The following SYT1 variants were observed in gnomAD, a reference collection of about 807,000 sequenced individuals.
SYT1 encodes synaptotagmin 1, also known as synaptotagmin-1.
In SYT1, 8 loss-of-function variants were observed where a neutral mutation model predicts 44.8. The ratio of observed to expected loss-of-function variants is 0.18; its 90% CI spans 0.10 to 0.32. The LOEUF is 0.32. Among genes scored for constraint, SYT1 ranks in the 10% least tolerant of loss-of-function variants. The pLI is 1.00. For missense variants in SYT1, 286 were observed against 509.3 expected (o/e 0.56, Z 4.22); for synonymous variants, 154 against 188.8 (o/e 0.82, Z 1.51).
chr12:78,887,054 G>A (rs1030760072), intron 1 of SYT1, among the ~76,000 whole-genome samples: 5 of 151,978 alleles, frequency 3.3e-5, no homozygotes, highest in African/African-American at 7.2e-5. Context: ...CCTTACCCAC[G>A]ATTTCACTTT....
At chr12:79,118,665 T>G (rs1447063854) in intron 3 of SYT1, among the ~76,000 whole-genome samples, 1 of 152,178 alleles carries the variant, frequency 6.6e-6, no homozygotes, top group African/African-American at 2.4e-5. Flanking sequence ...GCTCCTCTAG[T>G]TTCCACAAAG....
In SYT1 at chr12:79,395,655, G is replaced by A. The variant is rs142089988; in HGVS notation, c.928+42036G>A. Among the ~76,000 whole-genome samples, 784 of 151,894 alleles carry A rather than the reference G, an allele frequency of 5.2e-3. 6 individuals carry two copies. The highest frequency in any genetic ancestry group is 0.017 in the African/African-American group (705 of 41,194). ...TCCTGCCTTGGCCTCCCAAAGTGCT[G>A]GGATTACAGGCATGAGCCAACATGC... On this transcript the variant is annotated intron_variant, in intron 9 of 10. Transcript: ENST00000261205.
intron 2 of SYT1, among the ~76,000 whole-genome samples, chr12:79,027,684 G>A (rs1438709857): frequency 1.3e-5 from 2 of 151,476 alleles, no homozygotes; most frequent in South Asian, 2.1e-4. Context: ...CAAAGAAGAA[G>A]TCAAACTAAA....
chr12:79,143,746 G>A (rs767644241), intron 3 of SYT1, among the ~76,000 whole-genome samples: 2 of 152,084 alleles, frequency 1.3e-5, no homozygotes, highest in South Asian at 4.1e-4. Context: ...CTCGAGCAAC[G>A]TTGGAAAATG....
At chr12:79,234,782 C>G (rs931158895) in intron 4 of SYT1, among the ~76,000 whole-genome samples, 21 of 144,924 alleles carry the variant, frequency 1.4e-4, no homozygotes, top group African/African-American at 5.4e-4. Flanking sequence ...GCAATCTTGG[C>G]TCACTGCAAC....
At chr12:79,349,285 G>A (rs940657464) in intron 8 of SYT1, among the ~76,000 whole-genome samples, 19 of 152,124 alleles carry the variant, frequency 1.2e-4, no homozygotes, top group Middle Eastern at 6.8e-3. Flanking sequence ...AATGAATAAA[G>A]GAAAACAAAG....
At chr12:79,272,675 GC>G (rs557354175) in intron 4 of SYT1, among the ~76,000 whole-genome samples, 213 of 152,262 alleles carry the variant, frequency 1.4e-3, no homozygotes, top group African/African-American at 5.0e-3. Flanking sequence ...GAGTAGTGAG[GC>G]ATGGGAAAGC....
intron 10 of SYT1, among the ~76,000 whole-genome samples, chr12:79,448,212 C>CT (rs1297422348): frequency 1.3e-5 from 2 of 152,150 alleles, no homozygotes; most frequent in Non-Finnish European, 2.9e-5. Context: ...GTAGCCTAAA[C>CT]TGATATTTCC....
At chr12:79,163,555 T>C (rs535903035) in intron 3 of SYT1, among the ~76,000 whole-genome samples, 1 of 152,214 alleles carries the variant, frequency 6.6e-6, no homozygotes, top group African/African-American at 2.4e-5. Flanking sequence ...GGAACTAAGA[T>C]GTAAAGAACT....
intron 8 of SYT1, among the ~76,000 whole-genome samples, chr12:79,330,563 C>G (rs1358922561): frequency 6.6e-6 from 1 of 152,172 alleles, no homozygotes; most frequent in African/African-American, 2.4e-5. Flanking sequence ...TTTGTTCATT[C>G]ACAAAATGGA....
chr12:78,920,656 C>A (rs1049612902), intron 1 of SYT1, among the ~76,000 whole-genome samples: 1 of 151,820 alleles, frequency 6.6e-6, no homozygotes, highest in Non-Finnish European at 1.5e-5. Flanking sequence ...ATTGCTATTA[C>A]CTTGGGGTAT....
chr12:79,316,275 G>A (rs1367412890), intron 8 of SYT1, among the ~76,000 whole-genome samples: 1 of 152,178 alleles, frequency 6.6e-6, no homozygotes, highest in Non-Finnish European at 1.5e-5. Flanking sequence ...GTTATTTTGT[G>A]TCTGGCTTCT....
At chr12:79,075,646 C>T (rs766173138) in intron 3 of SYT1, among the ~76,000 whole-genome samples, 1 of 152,114 alleles carries the variant, frequency 6.6e-6, no homozygotes, top group Non-Finnish European at 1.5e-5. Context: ...AGAATATCGG[C>T]TATTTGATCT....
In SYT1 at chr12:78,930,704, G is replaced by A. The variant is rs117406172; in HGVS notation, c.-216-47095G>A. On this transcript the variant is annotated intron_variant, in intron 1 of 10. Transcript: ENST00000261205. Reference sequence around the variant, plus strand: ...GTGGTGAAAACTTAAACATAACCAAGTGTTGCAAGCAAAATTTGATCTACT... The same window carrying A: ...GTGGTGAAAACTTAAACATAACCAAATGTTGCAAGCAAAATTTGATCTACT... 5.6e-3 allele frequency among the ~76,000 whole-genome samples: 842 copies of A among 151,618 alleles called. 6 individuals carry two copies. Among genetic ancestry groups the A allele is most frequent in the South Asian group, 0.03 (146 of 4,788 alleles).
chr12:79,029,426 T>C (rs561986607), intron 2 of SYT1, among the ~76,000 whole-genome samples: 1 of 150,946 alleles, frequency 6.6e-6, no homozygotes, highest in East Asian at 2.0e-4. Flanking sequence ...AAATATATTT[T>C]TTCAATGTTT....
At chr12:79,446,896 G>A (rs1870766032) in intron 10 of SYT1, among the ~76,000 whole-genome samples, 1 of 152,024 alleles carries the variant, frequency 6.6e-6, no homozygotes, top group Non-Finnish European at 1.5e-5. Context: ...ACACCTCCTG[G>A]CATTTAATTT....
intron 3 of SYT1, among the ~76,000 whole-genome samples, chr12:79,084,490 C>T (rs938690343): frequency 1.3e-5 from 2 of 152,050 alleles, no homozygotes; most frequent in African/African-American, 4.8e-5. Flanking sequence ...AGGCTCAGTG[C>T]TTTGCCTAAA....
At chr12:78,920,462 A>G (rs906355603) in intron 1 of SYT1, among the ~76,000 whole-genome samples, 1 of 152,152 alleles carries the variant, frequency 6.6e-6, no homozygotes, top group Non-Finnish European at 1.5e-5. Flanking sequence ...GCTTTAACAC[A>G]TTGAAGTTGG....
At chr12:79,018,049 T>TAA (rs201899215) in intron 2 of SYT1, among the ~76,000 whole-genome samples, 11,867 of 151,898 alleles carry the variant, frequency 0.078, 604 homozygotes, top group East Asian at 0.14. Context: ...CAATTTTTCT[T>TAA]AAAAATTGTG....
Sources: gnomAD v4.1 joint callset for allele counts (sites outside exome capture counted in the v4.1 genomes callset) on GRCh38, gnomAD v4.1.1 for gene constraint, MANE v1.5 for transcripts, NCBI Gene and HGNC (gene_info 2026-07-23, HGNC 2026-07-21) for gene names.